Variants in PRR36 observed in about 807,000 individuals in gnomAD.
PRR36 encodes proline rich 36, also known as proline-rich protein 36.
Under a neutral mutation model 58.6 loss-of-function variants are expected in PRR36, and 30 were observed. The observed-to-expected ratio is 0.51, with a 90% confidence interval of 0.38 to 0.69. The LOEUF is 0.69. Among genes scored for constraint, PRR36 ranks in the 30% least tolerant of loss-of-function variants. The pLI is 0.00. For missense variants in PRR36, 1,692 were observed against 1,805.6 expected, an observed-to-expected ratio of 0.94 and a Z score of 1.14; for synonymous variants, 771 against 829.3, an observed-to-expected ratio of 0.93 and a Z score of 1.21.
At position 7,873,248 on chromosome 19, in the gene PRR36, T is replaced by C. The variant is rs1013719189; in HGVS notation, c.323A>G (p.Asn108Ser). Residue 108 changes from asparagine to serine, a missense_variant, in exon 3 of 6, where the codon AAC (asparagine) becomes AGC (serine). By Grantham distance (46) the Asn-to-Ser change is conservative (BLOSUM62 1). This residue lies in a region of PRR36 where 975 missense variants were observed against 955.2 expected (regional missense o/e 1.02). Transcript: ENST00000618550. The surrounding 1 kb of genome is among the most constrained non-coding windows in gnomAD (Gnocchi z 5.0). ...GRGERAPPAK[N>S]TSPGPVSSPG... ...GCTAGAAACAGGGCCTGGGCTGGTG[T>C]TCTTGGCAGGAGGAGCTCTCTCCCC... 3.3e-6 allele frequency: 5 copies of C among 1,535,786 alleles called. No individual in the cohort carries two copies. The highest frequency in any genetic ancestry group is 2.7e-5 in the African/African-American group (2 of 73,000).
chr19:7,870,224 G>A lies in PRR36; in HGVS notation c.3020C>T (p.Pro1007Leu), dbSNP rs1439819268. 10 of 1,424,006 alleles carry A rather than the reference G, an allele frequency of 7.0e-6. No individual in the cohort carries two copies. Among genetic ancestry groups the A allele is most frequent in the Non-Finnish European group, 9.1e-6 (10 of 1,095,914 alleles). 88.2% of individuals were successfully genotyped at this position (1,424,006 alleles called of 1,614,324 possible). Reference protein sequence around the residue: ...SLPMSPLAKPPPQAPPALATP... With the variant: ...SLPMSPLAKPLPQAPPALATP... ...GGCCAGAGCAGGTGGGGCCTGTGGAGGGGGCTTAGCCAAAGGAGACATTGG... is the reference window on the plus strand; with the variant it reads ...GGCCAGAGCAGGTGGGGCCTGTGGAAGGGGCTTAGCCAAAGGAGACATTGG... The change falls in exon 5 of 6, where the codon CCT (proline) becomes CTT (leucine). Residue 1007 changes from proline to leucine, a missense_variant. Physicochemically the swap from Pro to Leu is moderately conservative, Grantham distance 98. Around this residue, in one of 5 missense-constraint regions of PRR36, gnomAD observed 485 missense variants for 549.2 expected, o/e 0.88. Transcript: ENST00000618550.
At position 7,870,618 on chromosome 19, in the gene PRR36, T is replaced by C. The variant is rs1376530337; in HGVS notation, c.2626A>G (p.Asn876Asp). 42 of 980,236 alleles carry C rather than the reference T, an allele frequency of 4.3e-5. No individual in the cohort carries two copies. Among genetic ancestry groups the C allele is most frequent in the Non-Finnish European group, 4.7e-5 (39 of 835,906 alleles). 60.7% of individuals were successfully genotyped at this position (980,236 alleles called of 1,614,324 possible). A position where few individuals can be genotyped will look rare whatever the true frequency, so the allele number is the denominator to read the frequency against. ...TGCAGAAGGTGCACTGCCAGAGCAT[T>C]TGGGGCCTGTGGAGAGGGTGTGGCC... ...PLATPSPQAP[N>D]ALAVHLLQAP... is the part of the protein sequence containing the mutation. Residue 876 changes from asparagine (N) to aspartate (D), a missense_variant, in exon 5 of 6, where the codon AAT becomes GAT. Asn to Asp is a conservative substitution (Grantham distance 23, BLOSUM62 1). This residue lies in a region of PRR36 where 171 missense variants were observed against 146.2 expected (regional missense o/e 1.17). Coordinates refer to ENST00000618550, the MANE Select transcript of PRR36 (RefSeq NM_001190467.2).
At position 7,869,775 on chromosome 19, in the gene PRR36, A is replaced by C. The variant is rs1980289665; in HGVS notation, c.3469T>G (p.Cys1157Gly). 7.4e-7 allele frequency: 1 copy of C among 1,360,236 alleles called. No homozygotes were observed. Among genetic ancestry groups the C allele is most frequent in the East Asian group, 3.1e-5 (1 of 32,322 alleles). The allele number at this position is 1,360,236 out of a possible 1,614,324, so 84.3% of individuals were successfully genotyped here. ...SPPPDAELAA[C>G]HPAAWSRGPA... ...CCTCGACTCCAGGCAGCCGGGTGGC[A>C]AGCGGCGAGCTCTGCGTCGGGGGGC... Residue 1157 changes from cysteine to glycine, a missense_variant, in exon 5 of 6, where the codon TGC becomes GGC. Cys to Gly is a radical substitution (Grantham distance 159). Transcript: ENST00000618550.
rs1351866572 is a variant in PRR36, at chr19:7,871,669, A to G, written c.1575T>C (p.Leu525=). 2 of 1,535,714 alleles carry G rather than the reference A, an allele frequency of 1.3e-6. No individual in the cohort carries two copies. Among genetic ancestry groups the G allele is most frequent in the East Asian group, 2.4e-5 (1 of 40,900 alleles). ...LATLPLQDSP[L]LATLPLQASP... is the part of the protein sequence containing the mutation. ...AGGCCTGCAGAGGCAATGTGGCCAG[A>G]AGAGGAGAGTCCTGCAGAGGAAGAG... The change falls in exon 5 of 6, where the codon CTT becomes CTC. Residue 525 remains leucine (L), a synonymous_variant. Coordinates refer to ENST00000618550, the MANE Select transcript of PRR36 (RefSeq NM_001190467.2).
In PRR36 at chr19:7,871,552, G is replaced by A; in HGVS notation, c.1692C>T (p.His564=). Residue 564 remains histidine (H), a synonymous_variant, in exon 5 of 6, where the codon CAC becomes CAT. Transcript: ENST00000618550. ...LASPPLQAPP[H]PQAPPSMTTP... Reference sequence around the variant, plus strand: ...TAGTCATAGAAGGTGGGGCCTGTGGGTGGGGCGGAGCCTGCAGAGGCGGTG... The same window carrying A: ...TAGTCATAGAAGGTGGGGCCTGTGGATGGGGCGGAGCCTGCAGAGGCGGTG... The A allele has an allele frequency of 6.5e-7, 1 of 1,535,078 alleles. No individual in the cohort carries two copies. The highest frequency in any genetic ancestry group is 1.2e-5 in the South Asian group (1 of 84,010).
chr19:7,873,774 C>T lies in PRR36; in HGVS notation c.-7-78G>A. 7.2e-7 allele frequency: 1 copy of T among 1,387,008 alleles called. No homozygotes were observed. Among genetic ancestry groups the T allele is most frequent in the Non-Finnish European group, 9.6e-7 (1 of 1,042,546 alleles). The allele number at this position is 1,387,008 out of a possible 1,614,324, so 85.9% of individuals were successfully genotyped here. A position where few individuals can be genotyped will look rare whatever the true frequency, so the allele number is the denominator to read the frequency against. ...CAGAGACCTGGACCCTGCTACCTCA[C>T]TGCCCTTTCGCAGCATCGCCACCCA... On this transcript the variant is annotated intron_variant, in intron 1 of 5. Transcript: ENST00000618550. The surrounding 1 kb of genome is among the most constrained non-coding windows in gnomAD (Gnocchi z 5.0).
chr19:7,871,671 G>A lies in PRR36; in HGVS notation c.1573C>T (p.Leu525Phe). 2.6e-6 allele frequency: 4 copies of A among 1,536,066 alleles called. No individual in the cohort carries two copies. Among genetic ancestry groups the A allele is most frequent in the Middle Eastern group, 1.7e-4 (1 of 5,988 alleles). Residue 525 changes from leucine to phenylalanine, a missense_variant, in exon 5 of 6, where the codon CTT (leucine) becomes TTT (phenylalanine). This residue lies in a region of PRR36 where 975 missense variants were observed against 955.2 expected (regional missense o/e 1.02). Coordinates refer to ENST00000618550, the MANE Select transcript of PRR36 (RefSeq NM_001190467.2). ...GCCTGCAGAGGCAATGTGGCCAGAA[G>A]AGGAGAGTCCTGCAGAGGAAGAGTG... Reference protein sequence around the residue: ...LATLPLQDSPLLATLPLQASP... With the variant: ...LATLPLQDSPFLATLPLQASP...
chr19:7,869,477 C>T lies in PRR36; in HGVS notation c.3597G>A (p.Glu1199=). The T allele has an allele frequency of 6.6e-7, 1 of 1,513,544 alleles. No homozygotes were observed. The highest frequency in any genetic ancestry group is 8.8e-7 in the Non-Finnish European group (1 of 1,137,242). 93.8% of individuals were successfully genotyped at this position (1,513,544 alleles called of 1,614,324 possible). A position where few individuals can be genotyped will look rare whatever the true frequency, so the allele number is the denominator to read the frequency against. Residue 1199 remains glutamate (E), a synonymous_variant, in exon 6 of 6, where the codon GAG becomes GAA. Coordinates refer to ENST00000618550, the MANE Select transcript of PRR36 (RefSeq NM_001190467.2). ...GSADGLCTIY[E]TEGPESATPA... is the part of the protein sequence containing the mutation. ...GGGTCGCCGACTCGGGCCCTTCAGT[C>T]TCGTAGATGGTGCACAGACCGTCAG...
Position 7,869,291 on chromosome 19 carries a change from C to T in PRR36, c.3783G>A (p.Leu1261=). The part of the protein sequence containing the change: ...ALQASVVQHL[L]SRTLLLAAAE... ...CAGCCGCCAGCAGCAGCGTCCGGCT[C>T]AGCAGGTGCTGCACGACGCTCGCCT... The change falls in exon 6 of 6, where the codon CTG becomes CTA. Residue 1261 remains leucine (L), a synonymous_variant. Coordinates refer to ENST00000618550, the MANE Select transcript of PRR36 (RefSeq NM_001190467.2). 1 of 1,451,526 alleles carries T rather than the reference C, an allele frequency of 6.9e-7. No homozygotes were observed. 89.9% of individuals were successfully genotyped at this position (1,451,526 alleles called of 1,614,324 possible).
Position 7,871,169 on chromosome 19 carries a change from G to T in PRR36, c.2075C>A (p.Ser692Tyr). Residue 692 changes from serine (S) to tyrosine (Y), a missense_variant, in exon 5 of 6, where the codon TCT becomes TAT. Around this residue, in one of 5 missense-constraint regions of PRR36, gnomAD observed 975 missense variants for 955.2 expected, o/e 1.02. Transcript: ENST00000618550. The part of the protein sequence containing the change: ...PLTIHPLQAL[S>Y]SLASHSPQAP... ...CTGAGGAGAGTGGGAGGCCAGAGAA[G>T]ATAGCGCCTGCAGAGGGTGTATGGT... 12 of 1,535,254 alleles carry T rather than the reference G, an allele frequency of 7.8e-6. No individual in the cohort carries two copies. The highest frequency in any genetic ancestry group is 1.0e-5 in the Non-Finnish European group (12 of 1,146,676).
Position 7,869,537 on chromosome 19 carries a change from G to T in PRR36, c.3537C>A (p.Pro1179=). The change falls in exon 6 of 6, where the codon CCC becomes CCA. Residue 1179 remains proline, a synonymous_variant. Transcript: ENST00000618550. ...GTCCGGTAGCGGGAGGCCACGGCAG[G>T]GGCGCACCTGCGGGGAGAGACGCCA... ...PLAFRGAPGA[P]LPWPPATGPG... is the part of the protein sequence containing the mutation. 1 of 1,517,766 alleles carries T rather than the reference G, an allele frequency of 6.6e-7. No individual in the cohort carries two copies. Among genetic ancestry groups the T allele is most frequent in the Non-Finnish European group, 8.8e-7 (1 of 1,138,982 alleles). 94.0% of individuals were successfully genotyped at this position (1,517,766 alleles called of 1,614,324 possible).
chr19:7,873,067 A>T lies in PRR36; in HGVS notation c.375-106T>A. The T allele has an allele frequency of 1.5e-6, 2 of 1,319,486 alleles. No individual in the cohort carries two copies. Among genetic ancestry groups the T allele is most frequent in the Non-Finnish European group, 2.1e-6 (2 of 956,438 alleles). 81.7% of individuals were successfully genotyped at this position (1,319,486 alleles called of 1,614,324 possible). On this transcript the variant is annotated intron_variant, in intron 3 of 5. Transcript: ENST00000618550. This position sits in a 1 kb window ranked among gnomAD's most constrained non-coding sequence, Gnocchi z 5.0. Reference sequence around the variant, plus strand: ...CATGTGCCCTCTCTGAGGACCAATAATGGCTTTCACCCAATTTGTGCCCAG... The same window carrying T: ...CATGTGCCCTCTCTGAGGACCAATATTGGCTTTCACCCAATTTGTGCCCAG...
chr19:7,873,215 C>A lies in PRR36; in HGVS notation c.356G>T (p.Arg119Leu), dbSNP rs1216082930. Residue 119 changes from arginine to leucine, a missense_variant, in exon 3 of 6, where the codon CGT becomes CTT. Coordinates refer to ENST00000618550, the MANE Select transcript of PRR36 (RefSeq NM_001190467.2). The surrounding 1 kb of genome is among the most constrained non-coding windows in gnomAD (Gnocchi z 5.0). Reference protein sequence around the residue: ...TSPGPVSSPGRASGTTRPGPL... With the variant: ...TSPGPVSSPGLASGTTRPGPL... The stretch of plus-strand genomic sequence containing the variant: ...AGGTTACCTGGTGGTCCCGCTGGCA[C>A]GCCCTGGGCTAGAAACAGGGCCTGG... The A allele has an allele frequency of 3.9e-6, 6 of 1,535,840 alleles. No homozygotes were observed. In the South Asian group the frequency reaches 5.9e-5, roughly 15 times the overall value.
rs1421246105 is a variant in PRR36, at chr19:7,871,764, T to A, written c.1480A>T (p.Thr494Ser). Residue 494 changes from threonine (T) to serine (S), a missense_variant, in exon 5 of 6, where the codon ACG (threonine) becomes TCG (serine). Coordinates refer to ENST00000618550, the MANE Select transcript of PRR36 (RefSeq NM_001190467.2). ...LPQPGLSALT[T>S]PPPQASPSPS... The stretch of plus-strand genomic sequence containing the variant: ...GAAGGACTGGCCTGCGGAGGGGGCG[T>A]GGTCAGAGCAGAAAGGCCTGGCTGA... 6.5e-7 allele frequency: 1 copy of A among 1,533,706 alleles called. No individual in the cohort carries two copies. Among genetic ancestry groups the A allele is most frequent in the East Asian group, 2.5e-5 (1 of 40,718 alleles).
chr19:7,869,943 C>A lies in PRR36; in HGVS notation c.3301G>T (p.Gly1101Cys). 7.3e-6 allele frequency: 10 copies of A among 1,367,718 alleles called. No individual in the cohort carries two copies. Among genetic ancestry groups the A allele is most frequent in the Non-Finnish European group, 9.4e-6 (10 of 1,068,396 alleles). 84.7% of individuals were successfully genotyped at this position (1,367,718 alleles called of 1,614,324 possible). A position where few individuals can be genotyped will look rare whatever the true frequency, so the allele number is the denominator to read the frequency against. ...CTGCGCGAGGGCGGCGGCGGCGGGC[C>A]GGGGGCCAACGCCAGGGTCAGCCGT... Reference protein sequence around the residue: ...GPRLTLALAPGPPPPPSRSPS... With the variant: ...GPRLTLALAPCPPPPPSRSPS... The change falls in exon 5 of 6, where the codon GGC becomes TGC. Residue 1101 changes from glycine (G) to cysteine (C), a missense_variant. Gly to Cys is a radical substitution (Grantham distance 159, BLOSUM62 -3). This residue lies in a region of PRR36 where 485 missense variants were observed against 549.2 expected (regional missense o/e 0.88). Coordinates refer to ENST00000618550, the MANE Select transcript of PRR36 (RefSeq NM_001190467.2).
Position 7,872,391 on chromosome 19 carries a change from C to T in PRR36, c.853G>A (p.Val285Ile). The T allele has an allele frequency of 6.9e-7, 1 of 1,450,734 alleles. No homozygotes were observed. Among genetic ancestry groups the T allele is most frequent in the South Asian group, 1.4e-5 (1 of 69,744 alleles). 89.9% of individuals were successfully genotyped at this position (1,450,734 alleles called of 1,614,324 possible). A position where few individuals can be genotyped will look rare whatever the true frequency, so the allele number is the denominator to read the frequency against. ...KGLQALRPPQ[V>I]TPPRKDAAPA... is the part of the protein sequence containing the mutation. Reference sequence around the variant, plus strand: ...GCTGCGTCCTTCCTTGGGGGTGTGACCTGAGGGGGTCGCAGAGCCTGCAGT... The same window carrying T: ...GCTGCGTCCTTCCTTGGGGGTGTGATCTGAGGGGGTCGCAGAGCCTGCAGT... The change falls in exon 5 of 6, where the codon GTC becomes ATC. Residue 285 changes from valine (V) to isoleucine (I), a missense_variant. Coordinates refer to ENST00000618550, the MANE Select transcript of PRR36 (RefSeq NM_001190467.2). This position sits in a 1 kb window ranked among gnomAD's most constrained non-coding sequence, Gnocchi z 6.1.
chr19:7,873,605 G>T lies in PRR36; in HGVS notation c.85C>A (p.Pro29Thr). The stretch of plus-strand genomic sequence containing the variant: ...GGAGGGGGTCGAGGAGAGCCTGGGG[G>T]CCTGGGGGTCAGAAGTCCAGGAGCG... The part of the protein sequence containing the change: ...ARAPGLLTPR[P>T]PGSPRPPPPV... The change falls in exon 2 of 6, where the codon CCC (proline) becomes ACC (threonine). Residue 29 changes from proline to threonine, a missense_variant. By Grantham distance (38) the Pro-to-Thr change is conservative. Transcript: ENST00000618550. The surrounding 1 kb of genome is among the most constrained non-coding windows in gnomAD (Gnocchi z 5.0). 1.3e-6 allele frequency: 2 copies of T among 1,535,110 alleles called. No individual in the cohort carries two copies. Among genetic ancestry groups the T allele is most frequent in the Middle Eastern group, 1.7e-4 (1 of 5,870 alleles).
At position 7,872,084 on chromosome 19, in the gene PRR36, G is replaced by A. The variant is rs1334937320; in HGVS notation, c.1160C>T (p.Pro387Leu). ...CGAGGGGGGCGTGGCTGGTGGAGAGGGGAGGGTCTGCAGAGAAGGTGGAGC... is the reference window on the plus strand; with the variant it reads ...CGAGGGGGGCGTGGCTGGTGGAGAGAGGAGGGTCTGCAGAGAAGGTGGAGC... ...PSAPPSLQTL[P>L]SPPATPPSQV... Residue 387 changes from proline to leucine, a missense_variant, in exon 5 of 6, where the codon CCC (proline) becomes CTC (leucine). Physicochemically the swap from Pro to Leu is moderately conservative, Grantham distance 98. This residue lies in a region of PRR36 where 975 missense variants were observed against 955.2 expected (regional missense o/e 1.02). Coordinates refer to ENST00000618550, the MANE Select transcript of PRR36 (RefSeq NM_001190467.2). The surrounding 1 kb of genome is among the most constrained non-coding windows in gnomAD (Gnocchi z 6.1). 2.0e-6 allele frequency: 3 copies of A among 1,535,254 alleles called. No individual in the cohort carries two copies. The South Asian group carries it at 3.6e-5, about 18-fold the overall frequency.
At position 7,872,896 on chromosome 19, in the gene PRR36, G is replaced by T; in HGVS notation, c.440C>A (p.Ala147Asp). Residue 147 changes from alanine (A) to aspartate (D), a missense_variant, in exon 4 of 6, where the codon GCT (alanine) becomes GAT (aspartate). Ala to Asp is a moderately radical substitution (Grantham distance 126). Transcript: ENST00000618550. This position sits in a 1 kb window ranked among gnomAD's most constrained non-coding sequence, Gnocchi z 6.1. ...GGCACTCCTTTTGGGAGCCTCTGTA[G>T]CTTTTCCTCTGGCCACAGTTTCCTC... ...SAEETVARGKATEAPKRSALS... is the reference protein window; with the variant it reads ...SAEETVARGKDTEAPKRSALS... 6.5e-7 allele frequency: 1 copy of T among 1,536,092 alleles called. No homozygotes were observed. Among genetic ancestry groups the T allele is most frequent in the Non-Finnish European group, 8.7e-7 (1 of 1,146,868 alleles).
Sources: allele counts gnomAD v4.1 joint callset, GRCh38; gene constraint gnomAD v4.1.1; regional missense constraint gnomAD v4.1.1; non-coding constraint Gnocchi (gnomAD v3.1); transcripts MANE v1.5; gene names NCBI Gene and HGNC (gene_info 2026-07-23, HGNC 2026-07-21).